The following ARHGEF10 variants were observed in gnomAD, a reference collection of about 807,000 sequenced individuals.
The protein encoded by ARHGEF10 is Rho guanine nucleotide exchange factor 10.
In ARHGEF10, 140 loss-of-function variants were observed where a neutral mutation model predicts 147.4. The observed-to-expected ratio is 0.95, with a 90% CI of 0.83 to 1.09. The LOEUF (loss-of-function observed/expected upper bound fraction) is 1.09, where lower values mean the gene tolerates loss of function less well. Among genes scored for constraint, ARHGEF10 ranks in the 50% least tolerant of loss-of-function variants. ARHGEF10 has a pLI of 0.00. For synonymous variants in ARHGEF10, 902 were observed against 695.8 expected (o/e 1.30, Z -4.67); for missense variants, 2,222 against 1,752.7 (o/e 1.27, Z -4.78).
At chr8:1,853,740 G>A (rs952800338) in intron 2 of ARHGEF10, among the ~76,000 whole-genome samples, 11 of 152,236 alleles carry the variant, frequency 7.2e-5, no homozygotes, top group Middle Eastern at 3.2e-3. Context: ...CAGGGTGCTG[G>A]CAGGCTGTGT....
intron 1 of ARHGEF10, among the ~76,000 whole-genome samples, chr8:1,837,793 G>A (rs917934513): frequency 3.3e-5 from 5 of 152,144 alleles, no homozygotes; most frequent in African/African-American, 9.7e-5. Flanking sequence ...CCTCGGCTGC[G>A]TCGTATTACT....
In ARHGEF10 at chr8:1,893,752, A is replaced by T. The variant is rs181243718; in HGVS notation, c.1260+106A>T. ...AGCATATATGTTTATGAAACATAAC[A>T]TGCAAATTTGCAAAATTCTCAAAAG... On this transcript the variant is annotated intron_variant, in intron 12 of 28. Coordinates refer to ENST00000349830, the MANE Select transcript of ARHGEF10 (RefSeq NM_014629.4). 8 of 983,538 alleles carry T rather than the reference A, an allele frequency of 8.1e-6. No individual in the cohort carries two copies. The Admixed American group carries it at 1.6e-4, about 20-fold the overall frequency. The allele number at this position is 983,538 out of a possible 1,614,324, so 60.9% of individuals were successfully genotyped here.
intron 1 of ARHGEF10, among the ~76,000 whole-genome samples, chr8:1,839,505 G>C (rs1471967557): frequency 6.8e-6 from 1 of 146,422 alleles, no homozygotes; most frequent in East Asian, 2.1e-4. Flanking sequence ...TGTGGGGACT[G>C]TCCGGTGTGG....
chr8:1,878,675 A>G (rs544314847), intron 8 of ARHGEF10, among the ~76,000 whole-genome samples: 3 of 152,204 alleles, frequency 2.0e-5, no homozygotes, highest in Admixed American at 2.0e-4. Flanking sequence ...CTGTGGACAG[A>G]GGGGCCAGGC....
At chr8:1,908,004 G>A (rs1292884071) in intron 17 of ARHGEF10, among the ~76,000 whole-genome samples, 1 of 152,136 alleles carries the variant, frequency 6.6e-6, no homozygotes, top group East Asian at 1.9e-4. Flanking sequence ...CTAAATTGGA[G>A]GCACAGTCTA....
chr8:1,860,755 G>C (rs1323329444), intron 4 of ARHGEF10, among the ~76,000 whole-genome samples: 1 of 152,104 alleles, frequency 6.6e-6, no homozygotes, highest in Non-Finnish European at 1.5e-5. Flanking sequence ...GCAGTTTTTG[G>C]CCTGTATGAC....
chr8:1,829,970 A>G (rs1310017538), intron 1 of ARHGEF10, among the ~76,000 whole-genome samples: 4 of 152,216 alleles, frequency 2.6e-5, no homozygotes, highest in African/African-American at 7.2e-5. Context: ...AGCGAGTCAT[A>G]GGTAGCGGTA....
chr8:1,872,724 C>T (rs1807231593), intron 7 of ARHGEF10, among the ~76,000 whole-genome samples: 1 of 152,182 alleles, frequency 6.6e-6, no homozygotes, highest in South Asian at 2.1e-4. Flanking sequence ...GAATTAAGGA[C>T]GTGTTCTTAA....
chr8:1,922,701 C>T (rs1431557397), intron 18 of ARHGEF10, among the ~76,000 whole-genome samples: 1 of 152,184 alleles, frequency 6.6e-6, no homozygotes, highest in South Asian at 2.1e-4. Context: ...GATACGCTTG[C>T]GTCAGATGTT....
At chr8:1,864,048 C>G (rs531412241) in intron 4 of ARHGEF10, among the ~76,000 whole-genome samples, 1 of 151,346 alleles carries the variant, frequency 6.6e-6, no homozygotes, top group Non-Finnish European at 1.5e-5. Context: ...ATCTGGGTGC[C>G]GGTCACAGCC....
intron 2 of ARHGEF10, among the ~76,000 whole-genome samples, chr8:1,844,036 C>T (rs1373306027): frequency 3.3e-5 from 5 of 152,216 alleles, no homozygotes. Flanking sequence ...ACCGACGTTT[C>T]CATGGCAGGT....
chr8:1,937,542 C>T lies in ARHGEF10; in HGVS notation c.3222+3600C>T, dbSNP rs1813716567. Among the ~76,000 whole-genome samples, 5 of 152,230 alleles carry T rather than the reference C, an allele frequency of 3.3e-5. No homozygotes were observed. The South Asian group carries it at 1.0e-3, about 31-fold the overall frequency. ...TGTGTTTGGATCCAGATATAGGGCT[C>T]TTTCCTTGCATTTTTAGTACCAAAA... is the stretch of plus-strand genomic sequence containing the variant. On this transcript the variant is annotated intron_variant, in intron 26 of 28. Transcript: ENST00000349830. The surrounding 1 kb of genome is among the most constrained non-coding windows in gnomAD (Gnocchi z 4.9).
rs139851678 is a variant in ARHGEF10, at chr8:1,834,354, C to T, written c.-47-8999C>T. ...GTGCAGAGGAGGGGAGAAGATCCCA[C>T]GGAGACGGTCTCAGTCCGAGGTGAG... On this transcript the variant is annotated intron_variant, in intron 1 of 28. Coordinates refer to ENST00000349830, the MANE Select transcript of ARHGEF10 (RefSeq NM_014629.4). Among the ~76,000 whole-genome samples, 207 of 152,264 alleles carry T rather than the reference C, an allele frequency of 1.4e-3. 2 individuals carry two copies. The highest frequency in any genetic ancestry group is 4.7e-3 in the African/African-American group (195 of 41,534).
At chr8:1,942,506 A>T (rs1253346825) in intron 26 of ARHGEF10, among the ~76,000 whole-genome samples, 33 of 152,026 alleles carry the variant, frequency 2.2e-4, no homozygotes, top group Admixed American at 2.2e-3. Flanking sequence ...TGCTGGTGGG[A>T]ATGCAGAATG....
intron 26 of ARHGEF10, among the ~76,000 whole-genome samples, chr8:1,945,088 G>A (rs1814455635): frequency 6.6e-6 from 1 of 152,248 alleles, no homozygotes; most frequent in South Asian, 2.1e-4. Context: ...CAGGCTGCAG[G>A]CAGGCAGTGG....
At chr8:1,831,523 TCCGTGGAGGGACAGTGTGACGG>T (rs1284860567) in intron 1 of ARHGEF10, among the ~76,000 whole-genome samples, 2 of 39,336 alleles carry the variant, frequency 5.1e-5, no homozygotes, top group Non-Finnish European at 1.0e-4. Context: ...CAGTGTGACA[TCCGTGGAGGGACAGTGTGACGG>T]CCGTGGAGGG....
chr8:1,884,827 C>G (rs140897327), intron 10 of ARHGEF10, among the ~76,000 whole-genome samples: 1 of 152,140 alleles, frequency 6.6e-6, no homozygotes, highest in South Asian at 2.1e-4. Context: ...TGCAGTGGCA[C>G]GACCACAGCT....
intron 4 of ARHGEF10, among the ~76,000 whole-genome samples, chr8:1,863,995 G>A (rs1054321558): frequency 1.3e-5 from 2 of 152,072 alleles, no homozygotes; most frequent in Non-Finnish European, 2.9e-5. Flanking sequence ...GACACATGGA[G>A]TGGGAGAGAA....
chr8:1,909,518 C>G, intron 18 of ARHGEF10, 48 bp downstream of exon 18: 3 of 1,609,868 alleles, frequency 1.9e-6, no homozygotes, highest in Non-Finnish European at 2.5e-6. Flanking sequence ...CAGGGTAACT[C>G]TCACGTTCAT....
Sources: allele counts gnomAD v4.1 joint callset (sites outside exome capture counted in the v4.1 genomes callset), GRCh38; gene constraint gnomAD v4.1.1; non-coding constraint Gnocchi (gnomAD v3.1); transcripts MANE v1.5; gene names NCBI Gene and HGNC (gene_info 2026-07-23, HGNC 2026-07-21).